The following BRD2 variants were observed in gnomAD, a reference collection of about 807,000 sequenced individuals.
The protein encoded by BRD2 is bromodomain containing 2, also known as bromodomain-containing protein 2.
Under a neutral mutation model 79.1 loss-of-function variants are expected in BRD2, and 15 were observed. The observed-to-expected ratio is 0.19, with a 90% CI of 0.13 to 0.29. The LOEUF is 0.29. Among genes scored for constraint, BRD2 ranks in the 10% least tolerant of loss-of-function variants. The pLI, the probability that BRD2 is intolerant of heterozygous loss-of-function variation, is 1.00. For synonymous variants in BRD2, 488 were observed against 358.6 expected, an observed-to-expected ratio of 1.36 and a Z score of -4.08; for missense variants, 1,053 against 991.3, an observed-to-expected ratio of 1.06 and a Z score of -0.84.
At position 32,980,804 on chromosome 6, in the gene BRD2, T is replaced by C. The variant is rs554100245; in HGVS notation, c.*86T>C. Reference sequence around the variant, plus strand: ...CCACCTGCCCCTTCCCCCTTTGCTGTGACACTTCTTCATCTCACCCCCCCC... The same window carrying C: ...CCACCTGCCCCTTCCCCCTTTGCTGCGACACTTCTTCATCTCACCCCCCCC... On this transcript the variant is annotated 3_prime_UTR_variant, in exon 13 of 13. Transcript: ENST00000374825. 6.6e-7 allele frequency: 1 copy of C among 1,512,720 alleles called. No individual in the cohort carries two copies. Among genetic ancestry groups the C allele is most frequent in the South Asian group, 1.1e-5 (1 of 87,388 alleles). The allele number at this position is 1,512,720 out of a possible 1,614,324, so 93.7% of individuals were successfully genotyped here.
rs1255464557 is a variant in BRD2 at position 32,974,724 on chromosome 6, C to A, written c.292C>A (p.Pro98Thr). ...KALWKHQFAW[P>T]FRQPVDAVKL... ...TCTGTGGAAACATCAGTTCGCATGG[C>A]CATTCCGGCAGCCTGTGGATGCTGT... The change falls in exon 3 of 13, where the codon CCA becomes ACA. Residue 98 changes from proline (P) to threonine (T), a missense_variant. Physicochemically the swap from Pro to Thr is conservative, Grantham distance 38 (BLOSUM62 -1). Coordinates refer to ENST00000374825, the MANE Select transcript of BRD2 (RefSeq NM_005104.4). 6.2e-7 allele frequency: 1 copy of A among 1,613,992 alleles called. No homozygotes were observed. The highest frequency in any genetic ancestry group is 8.5e-7 in the Non-Finnish European group (1 of 1,180,000).
intron 7 of BRD2, 29 bp downstream of exon 7, chr6:32,976,965 C>G: frequency 6.3e-7 from 1 of 1,581,228 alleles, no homozygotes; most frequent in Non-Finnish European, 8.6e-7. Context: ...AGATGGGATG[C>G]TCAGGCAGTG....
At position 32,976,790 on chromosome 6, in the gene BRD2, C is replaced by T; in HGVS notation, c.1054C>T (p.His352Tyr). 2 of 1,613,280 alleles carry T rather than the reference C, an allele frequency of 1.2e-6. No individual in the cohort carries two copies. Among genetic ancestry groups the T allele is most frequent in the Non-Finnish European group, 1.7e-6 (2 of 1,180,038 alleles). ...KKGKLSEQLK[H>Y]CNGILKELLS... ...AGGAAAGCTTTCAGAACAGTTAAAA[C>T]ATTGCAATGGCATTTTGAAGGAGTT... The change falls in exon 7 of 13, where the codon CAT (histidine) becomes TAT (tyrosine). Residue 352 changes from histidine to tyrosine, a missense_variant. Around this residue, in one of 5 missense-constraint regions of BRD2, gnomAD observed 454 missense variants for 430.5 expected, o/e 1.05. Coordinates refer to ENST00000374825, the MANE Select transcript of BRD2 (RefSeq NM_005104.4).
Position 32,976,427 on chromosome 6 carries a change from C to G in BRD2, c.788C>G (p.Ala263Gly), listed in dbSNP as rs1388342529. 2 of 1,611,860 alleles carry G rather than the reference C, an allele frequency of 1.2e-6. No homozygotes were observed. Among genetic ancestry groups the G allele is most frequent in the African/African-American group, 2.7e-5 (2 of 74,934 alleles). ...SLHSAGPPLL[A>G]VTAAPPAQPL... is the part of the protein sequence containing the mutation. Reference sequence around the variant, plus strand: ...CACTCTGCTGGACCCCCGCTCCTTGCTGTTACTGCAGCTCCTCCAGCCCAG... The same window carrying G: ...CACTCTGCTGGACCCCCGCTCCTTGGTGTTACTGCAGCTCCTCCAGCCCAG... Residue 263 changes from alanine (A) to glycine (G), a missense_variant, in exon 6 of 13, where the codon GCT (alanine) becomes GGT (glycine). By Grantham distance (60) the Ala-to-Gly change is moderately conservative. Coordinates refer to ENST00000374825, the MANE Select transcript of BRD2 (RefSeq NM_005104.4).
chr6:32,977,731 A>C (rs1464566511), intron 8 of BRD2, 26 bp from the exon 9 acceptor site: 1 of 1,612,308 alleles, frequency 6.2e-7, no homozygotes, highest in East Asian at 2.2e-5. Flanking sequence ...TTATCAGCAT[A>C]GTTTTGAGTT....
At position 32,977,921 on chromosome 6, in the gene BRD2, TGAGGAGGAC is replaced by T. The variant is rs769812097; in HGVS notation, c.1503_1511del (p.Asp501_Glu503del). 8.7e-5 allele frequency: 141 copies of T among 1,612,640 alleles called. 1 individual carries two copies. Among genetic ancestry groups the T allele is most frequent in the Middle Eastern group, 4.9e-4 (3 of 6,062 alleles). On this transcript the variant is annotated inframe_deletion, in exon 9 of 13. Coordinates refer to ENST00000374825, the MANE Select transcript of BRD2 (RefSeq NM_005104.4). ...CCTCTGAGGAAGAGGAGGAGGAAGA[TGAGGAGGAC>T]GAGGAGGAAGAAGAGAGTGAAAGCT...
intron 1 of BRD2, chr6:32,970,272 A>G (rs3135330): frequency 0.058 from 8,774 of 152,204 alleles, 315 homozygotes; most frequent in South Asian, 0.099. Flanking sequence ...CAGCCACCCA[A>G]ACGGGGCCGC....
chr6:32,975,423 A>T lies in BRD2; in HGVS notation c.373A>T (p.Thr125Ser). ...TATAAAACAGCCTATGGACATGGGT[A>T]CTATTAAGAGGAGACTTGAAAACAA... ...KIIKQPMDMGTIKRRLENNYY... is the reference protein window; with the variant it reads ...KIIKQPMDMGSIKRRLENNYY... The change falls in exon 4 of 13, where the codon ACT (threonine) becomes TCT (serine). Residue 125 changes from threonine (T) to serine (S), a missense_variant. Transcript: ENST00000374825. 1.9e-6 allele frequency: 3 copies of T among 1,610,122 alleles called. No homozygotes were observed.
rs1026622499 is a variant in BRD2, at chr6:32,978,679, A to G, written c.1841+291A>G. ...TGGATATGTACCATGCGCACTTCAC[A>G]GTAGGGTTCATGCTTCTATGAGAAT... On this transcript the variant is annotated intron_variant, in intron 10 of 12. Coordinates refer to ENST00000374825, the MANE Select transcript of BRD2 (RefSeq NM_005104.4). 2.2e-5 allele frequency: 11 copies of G among 507,586 alleles called. No homozygotes were observed. The South Asian group carries it at 2.3e-4, about 11-fold the overall frequency. 31.4% of individuals were successfully genotyped at this position (507,586 alleles called of 1,614,324 possible).
At chr6:32,976,499 G>C in intron 6 of BRD2, 35 bp downstream of exon 6, 1 of 1,602,346 alleles carries the variant, frequency 6.2e-7, no homozygotes, top group Non-Finnish European at 8.5e-7. Flanking sequence ...GCAGCAGGGA[G>C]GCAAGGGTCT....
At chr6:32,977,226 C>G (rs773809201) in intron 7 of BRD2, 3 of 1,527,230 alleles carry the variant, frequency 2.0e-6, no homozygotes, top group Non-Finnish European at 2.6e-6. Flanking sequence ...CATAGGCCAC[C>G]TCTCTGTCAC....
intron 3 of BRD2, 147 bp downstream of exon 3, chr6:32,974,912 C>T (rs1358862370): frequency 7.2e-6 from 10 of 1,390,600 alleles, no homozygotes; most frequent in African/African-American, 2.9e-5. Context: ...TTCTGGGTAT[C>T]TTGGTCCTTT....
chr6:32,975,309 T>TGTGTGTGTGA, intron 3 of BRD2, 75 bp from the exon 4 acceptor site: 1 of 1,029,888 alleles, frequency 9.7e-7, no homozygotes, highest in African/African-American at 1.7e-5. Flanking sequence ...TGTGTGTGTG[T>TGTGTGTGTGA]GAGAGTCGGG....
At chr6:32,973,828 A>T (rs72865884) in intron 2 of BRD2, among the ~76,000 whole-genome samples, 3,597 of 144,628 alleles carry the variant, frequency 0.025, 62 homozygotes, top group South Asian at 0.039. Context: ...CCTGGAAGTT[A>T]CGGGCTGTGA....
At position 32,972,539 on chromosome 6, in the gene BRD2, G is replaced by C; in HGVS notation, c.-360G>C. ...GAAACGGGACCTCGTCGGCCCCGTA[G>C]GGGCCCGACAAGAAGAGGGAATCCC... On this transcript the variant is annotated 5_prime_UTR_variant, in exon 2 of 13. Transcript: ENST00000374825. The C allele has an allele frequency of 5.2e-6, 2 of 385,642 alleles. No homozygotes were observed. The highest frequency in any genetic ancestry group is 7.1e-5 in the South Asian group (2 of 28,100). 23.9% of individuals were successfully genotyped at this position (385,642 alleles called of 1,614,324 possible).
In BRD2 at chr6:32,972,246, C is replaced by G. The variant is rs906008940; in HGVS notation, c.-653C>G. 2.1e-6 allele frequency: 1 copy of G among 474,540 alleles called. No individual in the cohort carries two copies. Among genetic ancestry groups the G allele is most frequent in the African/African-American group, 2.0e-5 (1 of 50,738 alleles). 29.4% of individuals were successfully genotyped at this position (474,540 alleles called of 1,614,324 possible). A position where few individuals can be genotyped will look rare whatever the true frequency, so the allele number is the denominator to read the frequency against. On this transcript the variant is annotated 5_prime_UTR_variant, in exon 2 of 13. Coordinates refer to ENST00000374825, the MANE Select transcript of BRD2 (RefSeq NM_005104.4). ...AGCCTCTAGAACGAGCTGGAGGATTCTGCCTACCGATACAGAGCCTTCGAG... is the reference window on the plus strand; with the variant it reads ...AGCCTCTAGAACGAGCTGGAGGATTGTGCCTACCGATACAGAGCCTTCGAG...
intron 9 of BRD2, 42 bp from the exon 10 acceptor site, chr6:32,978,084 A>C (rs1779011200): frequency 2.5e-6 from 4 of 1,585,730 alleles, no homozygotes; most frequent in African/African-American, 1.4e-5. Context: ...TTGTTATTTT[A>C]TCTTTATTTA....
chr6:32,972,318 G>T lies in BRD2; in HGVS notation c.-581G>T. On this transcript the variant is annotated 5_prime_UTR_variant, in exon 2 of 13. Coordinates refer to ENST00000374825, the MANE Select transcript of BRD2 (RefSeq NM_005104.4). The stretch of plus-strand genomic sequence containing the variant: ...ATCCACCTCCATCCGCTTGGAAATG[G>T]CCTTCGTCCCGGCCTATGACTGGTC... 1 of 385,962 alleles carries T rather than the reference G, an allele frequency of 2.6e-6. No homozygotes were observed. Among genetic ancestry groups the T allele is most frequent in the Non-Finnish European group, 5.0e-6 (1 of 201,822 alleles). The allele number at this position is 385,962 out of a possible 1,614,324, so 23.9% of individuals were successfully genotyped here.
At chr6:32,969,375 C>T (rs745946047) in intron 1 of BRD2, 12 of 716,632 alleles carry the variant, frequency 1.7e-5, no homozygotes, top group South Asian at 1.6e-4. Context: ...CCATCGGCGG[C>T]CGAGGGAGGG....
Sources: gnomAD v4.1 joint callset for allele counts (sites outside exome capture counted in the v4.1 genomes callset) on GRCh38, gnomAD v4.1.1 for gene constraint, gnomAD v4.1.1 regional missense constraint, MANE v1.5 for transcripts, NCBI Gene and HGNC (gene_info 2026-07-23, HGNC 2026-07-21) for gene names.